Variants in USP46 observed in about 807,000 individuals in gnomAD.
The protein encoded by USP46 is ubiquitin carboxyl-terminal hydrolase 46.
USP46 carries 12 observed loss-of-function variants against 44.4 expected under a neutral mutation model. The observed-to-expected ratio is 0.27, with a 90% CI of 0.17 to 0.44. The LOEUF is 0.44. Ranked by LOEUF, USP46 falls within the 20% of genes least tolerant of loss-of-function variation. The probability of loss-of-function intolerance (pLI) is 1.00; values close to 1 mark genes in which losing one functional copy is unlikely to be tolerated. For synonymous variants in USP46, 155 were observed against 161.5 expected, an observed-to-expected ratio of 0.96 and a Z score of 0.31; for missense variants, 248 against 444.8, an observed-to-expected ratio of 0.56 and a Z score of 3.98.
intron 1 of USP46, chr4:52,656,413 G>A: frequency 9.0e-7 from 1 of 1,107,112 alleles, no homozygotes; most frequent in South Asian, 1.5e-5. Flanking sequence ...TGGGAAGGAA[G>A]ACTGGGAGGG....
intron 4 of USP46, among the ~76,000 whole-genome samples, chr4:52,619,889 A>G (rs1247162412): frequency 2.6e-5 from 4 of 152,150 alleles, no homozygotes; most frequent in Non-Finnish European, 5.9e-5. Context: ...TATCCAAGTA[A>G]CTCCAGAGAA....
rs751391806 is a variant in USP46, at chr4:52,591,831, A to C, written c.*5809T>G. ...GGCTCTAATTATTTGGTCATAATGT[A>C]AACAGATTGTTTAGAAATAACAGAT... On this transcript the variant is annotated 3_prime_UTR_variant, in exon 9 of 9. Transcript: ENST00000441222. The C allele has an allele frequency of 7.9e-5, 12 of 152,228 alleles. No homozygotes were observed. Among genetic ancestry groups the C allele is most frequent in the Non-Finnish European group, 1.5e-4 (10 of 68,028 alleles). 9.4% of individuals were successfully genotyped at this position (152,228 alleles called of 1,614,324 possible).
At chr4:52,607,758 C>T (rs568434950) in intron 5 of USP46, among the ~76,000 whole-genome samples, 1 of 152,142 alleles carries the variant, frequency 6.6e-6, no homozygotes, top group East Asian at 1.9e-4. Flanking sequence ...TTAGCCCCTC[C>T]TCCAACCCCT....
intron 7 of USP46, among the ~76,000 whole-genome samples, chr4:52,600,149 A>G (rs1453173354): frequency 6.6e-6 from 1 of 152,054 alleles, no homozygotes; most frequent in African/African-American, 2.4e-5. Flanking sequence ...GTCTTTCCAG[A>G]TAGATTATAA....
At position 52,597,627 on chromosome 4, in the gene USP46, G is replaced by T; in HGVS notation, c.*13C>A. 6 of 1,540,678 alleles carry T rather than the reference G, an allele frequency of 3.9e-6. No individual in the cohort carries two copies. Among genetic ancestry groups the T allele is most frequent in the Non-Finnish European group, 5.3e-6 (6 of 1,130,882 alleles). ...CATTCTCCCCACGTGAATCAGTCCC[G>T]CAGGTCTTTCAGTTACTCTCTTGAC... On this transcript the variant is annotated 3_prime_UTR_variant, in exon 9 of 9. Transcript: ENST00000441222.
chr4:52,644,737 TAA>T (rs781627890), intron 1 of USP46, among the ~76,000 whole-genome samples: 96 of 108,386 alleles, frequency 8.9e-4, no homozygotes, highest in African/African-American at 9.1e-4. Context: ...GATATTGAAT[TAA>T]AAAAAAAAAA....
At position 52,592,427 on chromosome 4, in the gene USP46, T is replaced by C; in HGVS notation, c.*5213A>G. On this transcript the variant is annotated 3_prime_UTR_variant, in exon 9 of 9. Coordinates refer to ENST00000441222, the MANE Select transcript of USP46 (RefSeq NM_022832.4). Reference sequence around the variant, plus strand: ...GCTCTGTGTCTCCACCCAAATCCCATGTTGAATTGTAATCCCCAGTGTTGG... The same window carrying C: ...GCTCTGTGTCTCCACCCAAATCCCACGTTGAATTGTAATCCCCAGTGTTGG... 6.5e-6 allele frequency: 1 copy of C among 153,800 alleles called. No homozygotes were observed. The highest frequency in any genetic ancestry group is 1.4e-5 in the Non-Finnish European group (1 of 69,044). The allele number at this position is 153,800 out of a possible 1,614,324, so 9.5% of individuals were successfully genotyped here.
chr4:52,632,977 AAAGAAAGAAAAGAAAAG>A (rs1560406044), intron 1 of USP46, among the ~76,000 whole-genome samples: 74 of 83,690 alleles, frequency 8.8e-4, no homozygotes, highest in African/African-American at 4.3e-3. Flanking sequence ...AGAAAGAAAG[AAAGAAAGAAAAGAAAAG>A]AAAGAAAGAA....
chr4:52,645,316 C>G (rs1718512582), intron 1 of USP46, among the ~76,000 whole-genome samples: 1 of 151,844 alleles, frequency 6.6e-6, no homozygotes, highest in South Asian at 2.1e-4. Flanking sequence ...GAAAGCTGAC[C>G]TGGGATACTT....
rs545803420 is a variant in USP46, at chr4:52,597,545, A to G, written c.*95T>C. On this transcript the variant is annotated 3_prime_UTR_variant, in exon 9 of 9. Coordinates refer to ENST00000441222, the MANE Select transcript of USP46 (RefSeq NM_022832.4). Reference sequence around the variant, plus strand: ...CATTGAGACTCGGAGTGATACCATTAGTGGGCCACTGGGGAAGAGGAAAGC... The same window carrying G: ...CATTGAGACTCGGAGTGATACCATTGGTGGGCCACTGGGGAAGAGGAAAGC... 137 of 781,208 alleles carry G rather than the reference A, an allele frequency of 1.8e-4. No individual in the cohort carries two copies. In the African/African-American group the frequency reaches 2.3e-3, roughly 13 times the overall value. The allele number at this position is 781,208 out of a possible 1,614,324, so 48.4% of individuals were successfully genotyped here. A position where few individuals can be genotyped will look rare whatever the true frequency, so the allele number is the denominator to read the frequency against.
chr4:52,604,989 A>G (rs1716631556), intron 5 of USP46, among the ~76,000 whole-genome samples: 1 of 152,254 alleles, frequency 6.6e-6, no homozygotes, highest in South Asian at 2.1e-4. Flanking sequence ...AGTTCACCGT[A>G]AACACTAAAA....
At chr4:52,645,727 G>A (rs1253422003) in intron 1 of USP46, among the ~76,000 whole-genome samples, 3 of 152,160 alleles carry the variant, frequency 2.0e-5, no homozygotes, top group Non-Finnish European at 4.4e-5. Flanking sequence ...AGGTCAAAGA[G>A]GCCTTGATAT....
At chr4:52,606,273 G>T (rs1173053059) in intron 5 of USP46, among the ~76,000 whole-genome samples, 1 of 152,222 alleles carries the variant, frequency 6.6e-6, no homozygotes, top group Non-Finnish European at 1.5e-5. Context: ...AGAGAACACT[G>T]CAGTGCAGAG....
chr4:52,649,329 AG>A (rs1366424796), intron 1 of USP46, among the ~76,000 whole-genome samples: 2 of 152,254 alleles, frequency 1.3e-5, no homozygotes, highest in Non-Finnish European at 2.9e-5. Context: ...TTCCATGGGC[AG>A]GATCTCTTCT....
At chr4:52,598,448 C>A (rs1560388849) in intron 8 of USP46, 180 bp downstream of exon 8, 1 of 616,566 alleles carries the variant, frequency 1.6e-6, no homozygotes, top group Non-Finnish European at 2.9e-6. Context: ...CATGATCACA[C>A]CCCTTCTCCC....
intron 1 of USP46, among the ~76,000 whole-genome samples, chr4:52,658,651 T>C (rs1474103402): frequency 6.6e-6 from 1 of 152,222 alleles, no homozygotes; most frequent in Non-Finnish European, 1.5e-5. Context: ...ACACAATTGC[T>C]ATTGCAAAGT....
Position 52,604,521 on chromosome 4 carries a change from G to A in USP46, c.702C>T (p.Ser234=), listed in dbSNP as rs760778092. The A allele has an allele frequency of 6.2e-7, 1 of 1,611,826 alleles. No individual in the cohort carries two copies. Among genetic ancestry groups the A allele is most frequent in the Non-Finnish European group, 8.5e-7 (1 of 1,179,136 alleles). The stretch of plus-strand genomic sequence containing the variant: ...CCTACCTTTTCTGGGCTTCTTGTTT[G>A]CTGCAGCATGTTTCACAATAATATT... ...EQKYYCETCC[S]KQEAQKRMRV... The change falls in exon 6 of 9, where the codon AGC becomes AGT. Residue 234 remains serine, a synonymous_variant. Transcript: ENST00000441222.
intron 1 of USP46, among the ~76,000 whole-genome samples, chr4:52,635,273 C>T (rs779185079): frequency 1.6e-4 from 25 of 152,146 alleles, no homozygotes; most frequent in Admixed American, 1.1e-3. Flanking sequence ...TTTGGCCATA[C>T]GATCTGGCAA....
At chr4:52,614,523 G>GA (rs1262413164) in intron 4 of USP46, among the ~76,000 whole-genome samples, 3 of 151,998 alleles carry the variant, frequency 2.0e-5, no homozygotes, top group African/African-American at 7.2e-5. Flanking sequence ...TGTGCTGAAA[G>GA]AAAAAAATGA....
Sources: allele counts gnomAD v4.1 joint callset (sites outside exome capture counted in the v4.1 genomes callset), GRCh38; gene constraint gnomAD v4.1.1; transcripts MANE v1.5; gene names NCBI Gene and HGNC (gene_info 2026-07-23, HGNC 2026-07-21).